Variants in ABCA12 observed in about 807,000 individuals in gnomAD.
ABCA12 encodes ATP binding cassette subfamily A member 12, also known as glucosylceramide transporter ABCA12.
In ABCA12, 156 loss-of-function variants were observed where a neutral mutation model predicts 293.5. The ratio of observed to expected loss-of-function variants is 0.53; its 90% CI spans 0.47 to 0.61. ABCA12 has a LOEUF of 0.61. ABCA12 is among the 20% of genes least tolerant of loss of function. The pLI, the probability that ABCA12 is intolerant of heterozygous loss-of-function variation, is 0.00. For missense variants in ABCA12, 2,797 were observed against 3,090.2 expected (o/e 0.91, Z 2.25); for synonymous variants, 1,063 against 1,108.0 (o/e 0.96, Z 0.81).
intron 2 of ABCA12, among the ~76,000 whole-genome samples, chr2:215,095,490 T>C (rs1364865327): frequency 6.6e-6 from 1 of 152,094 alleles, no homozygotes; most frequent in Admixed American, 6.5e-5. Flanking sequence ...TACCCCAAAA[T>C]CTTTCTTCAG....
rs554075579 is a variant in ABCA12, at chr2:214,935,879, G to A, written c.7542+1631C>T. Among the ~76,000 whole-genome samples, 26 of 152,210 alleles carry A rather than the reference G, an allele frequency of 1.7e-4. No individual in the cohort carries two copies. The South Asian group carries it at 5.2e-3, about 30-fold the overall frequency. ...AGTTAGCCAAACTTGGAGAGGCTGA[G>A]GCAAAGGTATTTTATGAAGATAAAA... On this transcript the variant is annotated intron_variant, in intron 51 of 52. Coordinates refer to ENST00000272895, the MANE Select transcript of ABCA12 (RefSeq NM_173076.3).
intron 1 of ABCA12, among the ~76,000 whole-genome samples, chr2:215,116,994 C>A (rs970933377): frequency 6.6e-6 from 1 of 152,168 alleles, no homozygotes; most frequent in Non-Finnish European, 1.5e-5. Flanking sequence ...ACAGTTCCAA[C>A]AACTGGTGAA....
At chr2:214,983,247 C>A (rs1215213789) in intron 29 of ABCA12, among the ~76,000 whole-genome samples, 1 of 152,070 alleles carries the variant, frequency 6.6e-6, no homozygotes, top group Non-Finnish European at 1.5e-5. Context: ...GGAAGGAAGC[C>A]ACTGGACGAT....
intron 19 of ABCA12, among the ~76,000 whole-genome samples, chr2:215,007,118 G>A (rs776291671): frequency 6.6e-5 from 10 of 151,912 alleles, no homozygotes; most frequent in African/African-American, 1.7e-4. Context: ...CAGGTGATCC[G>A]CCCTCCTCAG....
intron 9 of ABCA12, 63 bp from the exon 10 acceptor site, chr2:215,027,001 T>C: frequency 3.2e-6 from 4 of 1,242,532 alleles, no homozygotes; most frequent in South Asian, 1.2e-5. Context: ...GCCGTTTTGT[T>C]GAGATCATTT....
chr2:215,037,682 T>C (rs2106038405), intron 7 of ABCA12, among the ~76,000 whole-genome samples: 1 of 152,288 alleles, frequency 6.6e-6, no homozygotes, highest in East Asian at 1.9e-4. Flanking sequence ...AGATGGGCAG[T>C]CTACACTGGG....
rs192054137 is a variant in ABCA12 at position 215,004,714 on chromosome 2, C to T, written c.2593-415G>A. ...ATCATGATGTCTCCGTGGAATCTGA[C>T]ATCACAACTGATTTGTATTCAAGTT... On this transcript the variant is annotated intron_variant, in intron 19 of 52. Coordinates refer to ENST00000272895, the MANE Select transcript of ABCA12 (RefSeq NM_173076.3). 4.5e-4 allele frequency: 84 copies of T among 185,764 alleles called. 1 individual carries two copies. Among genetic ancestry groups the T allele is most frequent in the Non-Finnish European group, 2.2e-4 (19 of 87,434 alleles). The allele number at this position is 185,764 out of a possible 1,614,324, so 11.5% of individuals were successfully genotyped here. A position where few individuals can be genotyped will look rare whatever the true frequency, so the allele number is the denominator to read the frequency against.
intron 22 of ABCA12, among the ~76,000 whole-genome samples, 181 bp from the exon 23 acceptor site, chr2:214,997,990 T>C (rs1700071919): frequency 6.7e-6 from 1 of 148,832 alleles, no homozygotes; most frequent in African/African-American, 2.5e-5. Context: ...ACCATAGGTC[T>C]GTGATTTTTT....
intron 32 of ABCA12, 22 bp downstream of exon 32, chr2:214,978,782 A>G: frequency 1.2e-6 from 2 of 1,608,998 alleles, no homozygotes; most frequent in Non-Finnish European, 1.7e-6. Context: ...CTTGAAGAAA[A>G]AAAAGAAATA....
intron 23 of ABCA12, among the ~76,000 whole-genome samples, chr2:214,995,999 T>G (rs1559137074): frequency 6.6e-6 from 1 of 152,166 alleles, no homozygotes; most frequent in African/African-American, 2.4e-5. Flanking sequence ...TGTATATGGC[T>G]GGTAGAATTG....
chr2:215,038,381 A>G (rs1461897701), intron 7 of ABCA12, among the ~76,000 whole-genome samples: 2 of 152,174 alleles, frequency 1.3e-5, no homozygotes, highest in African/African-American at 4.8e-5. Context: ...TTCAAAGTTT[A>G]TGTTCTATCC....
chr2:214,934,194 C>G lies in ABCA12; in HGVS notation c.7564G>C (p.Glu2522Gln), dbSNP rs1262344134. 3 of 1,613,726 alleles carry G rather than the reference C, an allele frequency of 1.9e-6. No individual in the cohort carries two copies. Among genetic ancestry groups the G allele is most frequent in the South Asian group, 1.1e-5 (1 of 91,080 alleles). Residue 2522 changes from glutamate (E) to glutamine (Q), a missense_variant, in exon 52 of 53, where the codon GAG becomes CAG. Around this residue, in one of 3 missense-constraint regions of ABCA12, gnomAD observed 2,130 missense variants for 2,427.0 expected, o/e 0.88. Transcript: ENST00000272895. ...YLKDQHLSML[E>Q]YHVPVTAGGV... ...CCTGCTGTGACTGGTACATGATACT[C>G]TAGCATGCTGAGGTGCTGATCCTGT...
chr2:215,070,494 A>G (rs1219090417), intron 2 of ABCA12, among the ~76,000 whole-genome samples: 2 of 149,800 alleles, frequency 1.3e-5, no homozygotes, highest in African/African-American at 4.9e-5. Context: ...CTCGTCAGTC[A>G]TTTAGCATTA....
intron 41 of ABCA12, 67 bp from the exon 42 acceptor site, chr2:214,956,845 AC>A: frequency 8.9e-7 from 1 of 1,127,544 alleles, no homozygotes; most frequent in Non-Finnish European, 1.3e-6. Context: ...AAAATCAATA[AC>A]CCATCTAGTT....
At chr2:215,089,496 T>C (rs1438976164) in intron 2 of ABCA12, among the ~76,000 whole-genome samples, 1 of 152,236 alleles carries the variant, frequency 6.6e-6, no homozygotes, top group Admixed American at 6.5e-5. Context: ...AATTTACTTC[T>C]GTGTGATTGC....
intron 45 of ABCA12, among the ~76,000 whole-genome samples, chr2:214,950,390 G>A (rs1460393936): frequency 2.8e-4 from 12 of 43,454 alleles, no homozygotes; most frequent in South Asian, 1.1e-3. Flanking sequence ...ATATCTGTGT[G>A]TGTGTGTGTG....
At chr2:215,048,089 T>C (rs1343780403) in intron 6 of ABCA12, among the ~76,000 whole-genome samples, 1 of 151,980 alleles carries the variant, frequency 6.6e-6, no homozygotes, top group African/African-American at 2.4e-5. Flanking sequence ...CACTGATCAT[T>C]AGAGAAATGC....
intron 2 of ABCA12, among the ~76,000 whole-genome samples, chr2:215,098,584 T>C (rs1702292513): frequency 6.6e-6 from 1 of 152,222 alleles, no homozygotes; most frequent in Admixed American, 6.5e-5. Context: ...TCAACAAATA[T>C]TTGTTGGGTG....
At chr2:215,112,238 G>T (rs1431962742) in intron 1 of ABCA12, among the ~76,000 whole-genome samples, 1 of 151,486 alleles carries the variant, frequency 6.6e-6, no homozygotes, top group Non-Finnish European at 1.5e-5. Flanking sequence ...GAGTGAAGAA[G>T]TAAAAAGGAA....
Sources: allele counts gnomAD v4.1 joint callset (sites outside exome capture counted in the v4.1 genomes callset), GRCh38; gene constraint gnomAD v4.1.1; regional missense constraint gnomAD v4.1.1; transcripts MANE v1.5; gene names NCBI Gene and HGNC (gene_info 2026-07-23, HGNC 2026-07-21).